DMXL2: variants seen among roughly 807,000 people sequenced by gnomAD.
DMXL2 encodes the protein Dmx like 2, also known as dmX-like protein 2.
A neutral mutation model predicts 331.1 loss-of-function variants in DMXL2; 103 were observed. The observed-to-expected ratio is 0.31, with a 90% confidence interval of 0.27 to 0.37. The LOEUF (loss-of-function observed/expected upper bound fraction) is 0.37. Ranked by LOEUF, DMXL2 falls within the 10% of genes least tolerant of loss-of-function variation. The pLI is 1.00. For synonymous variants in DMXL2, 1,281 were observed against 1,252.1 expected (o/e 1.02, Z -0.49); for missense variants, 3,171 against 3,642.9 (o/e 0.87, Z 3.33).
chr15:51,560,328 G>A (rs537450678), intron 6 of DMXL2, among the ~76,000 whole-genome samples: 5 of 152,064 alleles, frequency 3.3e-5, no homozygotes, highest in East Asian at 3.9e-4. Context: ...ACTGGGGGAG[G>A]AGTAGTACAG....
chr15:51,499,134 C>A lies in DMXL2; in HGVS notation c.4090G>T (p.Ala1364Ser). 6.2e-7 allele frequency: 1 copy of A among 1,614,092 alleles called. No individual in the cohort carries two copies. The highest frequency in any genetic ancestry group is 8.5e-7 in the Non-Finnish European group (1 of 1,180,024). Residue 1364 changes from alanine to serine, a missense_variant, in exon 18 of 44, where the codon GCT becomes TCT. Physicochemically the swap from Ala to Ser is moderately conservative, Grantham distance 99. Transcript: ENST00000560891. Reference sequence around the variant, plus strand: ...ACTAAATGAGAGAGAATGGCTTTAGCCCTTCGCACTTTCCCTAAATCCATC... The same window carrying A: ...ACTAAATGAGAGAGAATGGCTTTAGACCTTCGCACTTTCCCTAAATCCATC... ...ELMDLGKVRR[A>S]KAILSHLVKC...
Position 51,502,212 on chromosome 15 carries a change from G to A in DMXL2, c.2992+594C>T, listed in dbSNP as rs1397465516. ...AGCACCACTGCATTCCAGCCTGGGC[G>A]ACAGAGTGAGACTCCGTCTAAAAAA... On this transcript the variant is annotated intron_variant, in intron 17 of 43. Coordinates refer to ENST00000560891, the MANE Select transcript of DMXL2 (RefSeq NM_001378457.1). Among the ~76,000 whole-genome samples the A allele has an allele frequency of 8.4e-5, 12 of 142,758 alleles. No homozygotes were observed. The East Asian group carries it at 1.4e-3, about 17-fold the overall frequency. 93.7% of individuals were successfully genotyped at this position (142,758 alleles called of 152,430 possible).
chr15:51,559,103 A>G (rs935317586), intron 6 of DMXL2, among the ~76,000 whole-genome samples: 3 of 152,246 alleles, frequency 2.0e-5, no homozygotes, highest in African/African-American at 7.2e-5. Flanking sequence ...ATCTCACAGT[A>G]TGAAAAACTT....
chr15:51,482,311 A>G (rs1333200895), intron 23 of DMXL2, among the ~76,000 whole-genome samples: 3 of 152,192 alleles, frequency 2.0e-5, no homozygotes, highest in Non-Finnish European at 4.4e-5. Context: ...TCATGTTATT[A>G]TAAAAATATC....
At chr15:51,490,050 CTG>C (rs1229158685) in intron 20 of DMXL2, among the ~76,000 whole-genome samples, 2 of 152,154 alleles carry the variant, frequency 1.3e-5, no homozygotes, top group East Asian at 1.9e-4. Context: ...AATGTAGAAA[CTG>C]TATCATTTAT....
intron 9 of DMXL2, among the ~76,000 whole-genome samples, chr15:51,541,508 C>T (rs1482894825): frequency 1.3e-5 from 2 of 152,012 alleles, no homozygotes; most frequent in African/African-American, 4.8e-5. Context: ...TAATACGGGG[C>T]CAGTGGCTAC....
rs1371227683 is a variant in DMXL2, at chr15:51,450,301, G to A, written c.8795C>T (p.Pro2932Leu). ...CCCCGAGATTAGGAGTTGCTGTTTGGGTGCATACTGCAGTACCGTGGCACC... is the reference window on the plus strand; with the variant it reads ...CCCCGAGATTAGGAGTTGCTGTTTGAGTGCATACTGCAGTACCGTGGCACC... ...DHGATVLQYAPKQQLLISGGR... is the reference protein window; with the variant it reads ...DHGATVLQYALKQQLLISGGR... Residue 2932 changes from proline to leucine, a missense_variant, in exon 43 of 44, where the codon CCC (proline) becomes CTC (leucine). This residue lies in a region of DMXL2 where 766 missense variants were observed against 940.5 expected (regional missense o/e 0.81). Coordinates refer to ENST00000560891, the MANE Select transcript of DMXL2 (RefSeq NM_001378457.1). The A allele has an allele frequency of 1.2e-6, 2 of 1,613,716 alleles. No individual in the cohort carries two copies. Among genetic ancestry groups the A allele is most frequent in the African/African-American group, 2.7e-5 (2 of 74,802 alleles).
chr15:51,570,654 G>C (rs1222193634), intron 2 of DMXL2, among the ~76,000 whole-genome samples: 1 of 152,036 alleles, frequency 6.6e-6, no homozygotes, highest in East Asian at 1.9e-4. Flanking sequence ...TTCTTAAAGA[G>C]AATTTTCAAC....
At position 51,488,636 on chromosome 15, in the gene DMXL2, C is replaced by T. The variant is rs1199902069; in HGVS notation, c.4963G>A (p.Ala1655Thr). 2 of 1,603,300 alleles carry T rather than the reference C, an allele frequency of 1.2e-6. No homozygotes were observed. The highest frequency in any genetic ancestry group is 1.8e-5 in the Admixed American group (1 of 56,908). ...GCATCATTGTTCCTTTGAAAAGAAG[C>T]TTTGGCAACCTAAATGATAAATAAA... Reference protein sequence around the residue: ...LRRCIEKVAKASFQRNNDALD... With the variant: ...LRRCIEKVAKTSFQRNNDALD... The change falls in exon 21 of 44, where the codon GCT becomes ACT. Residue 1655 changes from alanine to threonine, a missense_variant. Physicochemically the swap from Ala to Thr is moderately conservative, Grantham distance 58. Around this residue, in one of 7 missense-constraint regions of DMXL2, gnomAD observed 252 missense variants for 387.4 expected, o/e 0.65. Coordinates refer to ENST00000560891, the MANE Select transcript of DMXL2 (RefSeq NM_001378457.1).
chr15:51,491,459 T>C, intron 20 of DMXL2, 119 bp downstream of exon 20: 4 of 989,208 alleles, frequency 4.0e-6, no homozygotes, highest in Non-Finnish European at 5.8e-6. Context: ...AAAAAAATTC[T>C]CAAGACCTCA....
At position 51,552,459 on chromosome 15, in the gene DMXL2, T is replaced by G. The variant is rs183472760; in HGVS notation, c.568-5051A>C. Among the ~76,000 whole-genome samples the G allele has an allele frequency of 3.3e-3, 501 of 152,368 alleles. 3 individuals carry two copies. Among genetic ancestry groups the G allele is most frequent in the African/African-American group, 0.011 (469 of 41,584 alleles). On this transcript the variant is annotated intron_variant, in intron 6 of 43. Coordinates refer to ENST00000560891, the MANE Select transcript of DMXL2 (RefSeq NM_001378457.1). The stretch of plus-strand genomic sequence containing the variant: ...GATCACTAAGATCATTAAAACTTTA[T>G]GATTCCACAAAAGTTTCTTTGCTTT...
chr15:51,479,029 A>G (rs1336184641), intron 25 of DMXL2, among the ~76,000 whole-genome samples: 1 of 152,170 alleles, frequency 6.6e-6, no homozygotes, highest in Non-Finnish European at 1.5e-5. Context: ...CCTTATACAG[A>G]TTACTCTTTG....
At chr15:51,548,947 G>A (rs530052040) in intron 6 of DMXL2, among the ~76,000 whole-genome samples, 21 of 151,946 alleles carry the variant, frequency 1.4e-4, no homozygotes, top group African/African-American at 5.1e-4. Flanking sequence ...TTTGTTTAGT[G>A]TTTTTGTGTT....
intron 41 of DMXL2, 81 bp from the exon 42 acceptor site, chr15:51,451,778 A>C: frequency 7.9e-7 from 1 of 1,267,238 alleles, no homozygotes; most frequent in South Asian, 1.3e-5. Context: ...TCTTTCAGTC[A>C]AATATTTTGC....
At position 51,590,922 on chromosome 15, in the gene DMXL2, A is replaced by C. The variant is rs76168088; in HGVS notation, c.88-14741T>G. Among the ~76,000 whole-genome samples, 400 of 152,262 alleles carry C rather than the reference A, an allele frequency of 2.6e-3. 18 individuals are homozygous for C. In the East Asian group the frequency reaches 0.062, roughly 24 times the overall value. The stretch of plus-strand genomic sequence containing the variant: ...TTTTTTTAATTTGTAAAGGCTTGAG[A>C]TTCTCATTAAAAATAGCAGACAAGG... On this transcript the variant is annotated intron_variant, in intron 1 of 43. Coordinates refer to ENST00000560891, the MANE Select transcript of DMXL2 (RefSeq NM_001378457.1).
chr15:51,543,705 TCGTAAGTCA>T (rs1416869856), intron 8 of DMXL2, among the ~76,000 whole-genome samples: 2 of 152,194 alleles, frequency 1.3e-5, no homozygotes, highest in Non-Finnish European at 2.9e-5. Context: ...GCCAAGTGGC[TCGTAAGTCA>T]GACAATTACG....
chr15:51,458,837 C>T, intron 34 of DMXL2, 42 bp from the exon 35 acceptor site: 1 of 1,533,846 alleles, frequency 6.5e-7, no homozygotes, highest in East Asian at 2.2e-5. Context: ...TGCAGCACAG[C>T]TCTATTTAGA....
At chr15:51,469,466 A>G (rs2040896334) in intron 29 of DMXL2, among the ~76,000 whole-genome samples, 1 of 152,218 alleles carries the variant, frequency 6.6e-6, no homozygotes, top group Non-Finnish European at 1.5e-5. Flanking sequence ...GTTAATGTTA[A>G]CAGAAAAAAA....
chr15:51,606,993 A>C (rs867845262), intron 1 of DMXL2, among the ~76,000 whole-genome samples: 1 of 152,180 alleles, frequency 6.6e-6, no homozygotes, highest in African/African-American at 2.4e-5. Flanking sequence ...CCCTGTCCCT[A>C]CTAAAAATTT....
Sources: allele counts gnomAD v4.1 joint callset (sites outside exome capture counted in the v4.1 genomes callset), GRCh38; gene constraint gnomAD v4.1.1; regional missense constraint gnomAD v4.1.1; transcripts MANE v1.5; gene names NCBI Gene and HGNC (gene_info 2026-07-23, HGNC 2026-07-21).